CPQ: variants seen among roughly 807,000 people sequenced by gnomAD.
The protein encoded by CPQ is Ser-Met dipeptidase.
CPQ carries 37 observed loss-of-function variants against 45.7 expected under a neutral mutation model. That is an observed-to-expected ratio of 0.81 (90% CI 0.62 to 1.07). The LOEUF (loss-of-function observed/expected upper bound fraction) is 1.07. CPQ is among the 50% of genes least tolerant of loss of function. The pLI, the probability that CPQ is intolerant of heterozygous loss-of-function variation, is 0.00. For missense variants in CPQ, 537 were observed against 572.9 expected (o/e 0.94, Z 0.64); for synonymous variants, 186 against 205.8 (o/e 0.90, Z 0.82).
At chr8:96,705,455 A>C (rs966598918) in intron 1 of CPQ, among the ~76,000 whole-genome samples, 4 of 152,172 alleles carry the variant, frequency 2.6e-5, no homozygotes, top group Non-Finnish European at 5.9e-5. Flanking sequence ...TAAACATTTT[A>C]TTTTAAGCCT....
At chr8:96,707,469 T>A (rs1282782442) in intron 1 of CPQ, among the ~76,000 whole-genome samples, 1 of 152,056 alleles carries the variant, frequency 6.6e-6, no homozygotes, top group East Asian at 1.9e-4. Flanking sequence ...TTATGAGATT[T>A]TTTTTTTCCT....
chr8:96,952,223 C>G (rs1413978345), intron 4 of CPQ, among the ~76,000 whole-genome samples: 1 of 152,088 alleles, frequency 6.6e-6, no homozygotes, highest in Non-Finnish European at 1.5e-5. Flanking sequence ...TTTAGTGAAG[C>G]ATACAGAGGG....
In CPQ at chr8:97,143,423, C is replaced by A; in HGVS notation, c.*240C>A. 5.7e-6 allele frequency: 2 copies of A among 353,672 alleles called. No homozygotes were observed. The highest frequency in any genetic ancestry group is 4.9e-5 in the East Asian group (1 of 20,574). 21.9% of individuals were successfully genotyped at this position (353,672 alleles called of 1,614,324 possible). A position where few individuals can be genotyped will look rare whatever the true frequency, so the allele number is the denominator to read the frequency against. ...CATATGGTAGGGATTACAGTGGGGG[C>A]ATTTCTTTATATCACCTCTTAAAAA... is the stretch of plus-strand genomic sequence containing the variant. On this transcript the variant is annotated 3_prime_UTR_variant, in exon 8 of 8. Transcript: ENST00000220763.
intron 3 of CPQ, among the ~76,000 whole-genome samples, chr8:96,863,838 C>T (rs1411801837): frequency 1.3e-5 from 2 of 152,018 alleles, no homozygotes; most frequent in Non-Finnish European, 2.9e-5. Context: ...TGGAAAGTCA[C>T]TTAATGGCTT....
intron 1 of CPQ, among the ~76,000 whole-genome samples, chr8:96,709,209 G>A (rs1334447191): frequency 3.3e-5 from 5 of 151,956 alleles, no homozygotes; most frequent in African/African-American, 4.8e-5. Context: ...CCTGGACATT[G>A]TACCCAATAT....
intron 1 of CPQ, among the ~76,000 whole-genome samples, chr8:96,666,618 C>T (rs939093209): frequency 5.3e-5 from 8 of 152,176 alleles, no homozygotes; most frequent in East Asian, 1.9e-4. Context: ...AAAACTGTAT[C>T]GACTGGTCTA....
chr8:96,908,305 T>A (rs929987727), intron 4 of CPQ, among the ~76,000 whole-genome samples: 1 of 152,208 alleles, frequency 6.6e-6, no homozygotes, highest in Non-Finnish European at 1.5e-5. Context: ...CAGAAAGGTC[T>A]GATAATTAGC....
chr8:97,043,771 G>A (rs1313774439), intron 6 of CPQ, among the ~76,000 whole-genome samples: 1 of 152,144 alleles, frequency 6.6e-6, no homozygotes, highest in Non-Finnish European at 1.5e-5. Context: ...ATGAAATTCT[G>A]GTTTGAAAAT....
chr8:96,760,573 A>G (rs1810387700), intron 1 of CPQ, among the ~76,000 whole-genome samples: 1 of 152,174 alleles, frequency 6.6e-6, no homozygotes, highest in Non-Finnish European at 1.5e-5. Flanking sequence ...GAGGATTATA[A>G]GGAACAGAGA....
chr8:96,850,960 T>C (rs894920507), intron 3 of CPQ, among the ~76,000 whole-genome samples: 5 of 152,178 alleles, frequency 3.3e-5, no homozygotes, highest in African/African-American at 1.2e-4. Context: ...TGTGGATTCA[T>C]ATCCAAATAT....
chr8:96,689,694 A>G (rs1809279161), intron 1 of CPQ, among the ~76,000 whole-genome samples: 1 of 152,142 alleles, frequency 6.6e-6, no homozygotes, highest in Non-Finnish European at 1.5e-5. Flanking sequence ...TTATGTATTG[A>G]AACCTGTTCC....
Position 96,665,835 on chromosome 8 carries a change from G to C in CPQ, c.-35+20433G>C, listed in dbSNP as rs549706083. Among the ~76,000 whole-genome samples the C allele has an allele frequency of 1.4e-3, 206 of 152,196 alleles. 1 individual carries two copies. The highest frequency in any genetic ancestry group is 2.4e-3 in the Non-Finnish European group (162 of 68,008). On this transcript the variant is annotated intron_variant, in intron 1 of 7. Coordinates refer to ENST00000220763, the MANE Select transcript of CPQ (RefSeq NM_016134.4). The stretch of plus-strand genomic sequence containing the variant: ...TCCAGGTTCACATTCCAGCGATCCC[G>C]GTGGAAATAACTTTTATTTGCAACA...
chr8:96,944,942 C>T (rs962066774), intron 4 of CPQ, among the ~76,000 whole-genome samples: 2 of 152,168 alleles, frequency 1.3e-5, no homozygotes, highest in African/African-American at 4.8e-5. Flanking sequence ...TCACTTTTAG[C>T]AGTAGCTGAA....
chr8:96,994,898 G>T (rs1326247213), intron 5 of CPQ, among the ~76,000 whole-genome samples: 1 of 152,026 alleles, frequency 6.6e-6, no homozygotes, highest in Non-Finnish European at 1.5e-5. Flanking sequence ...TAATCATTGT[G>T]TGGGACATTG....
chr8:96,987,418 G>A (rs1809005502), intron 5 of CPQ, among the ~76,000 whole-genome samples: 2 of 152,098 alleles, frequency 1.3e-5, no homozygotes, highest in Admixed American at 6.6e-5. Context: ...AAATGATAAG[G>A]AAGTATAACT....
chr8:96,825,034 G>A (rs939436877), intron 2 of CPQ, among the ~76,000 whole-genome samples: 10 of 151,976 alleles, frequency 6.6e-5, no homozygotes, highest in African/African-American at 2.4e-4. Flanking sequence ...TTCTATTTGG[G>A]AACTACAGCC....
intron 2 of CPQ, among the ~76,000 whole-genome samples, chr8:96,791,253 T>C (rs1253098016): frequency 2.6e-5 from 4 of 152,216 alleles, no homozygotes; most frequent in African/African-American, 9.6e-5. Context: ...TTGCCTCACA[T>C]ACAAATATTT....
chr8:96,719,263 G>C (rs971118970), intron 1 of CPQ, among the ~76,000 whole-genome samples: 2 of 152,200 alleles, frequency 1.3e-5, no homozygotes, highest in Admixed American at 6.5e-5. Context: ...GTGAGAAATC[G>C]AGCGCAGCGC....
intron 7 of CPQ, among the ~76,000 whole-genome samples, chr8:97,109,850 T>A (rs1811470240): frequency 6.6e-6 from 1 of 152,146 alleles, no homozygotes; most frequent in Admixed American, 6.5e-5. Flanking sequence ...CCCAGCTCCC[T>A]ACCTTCTATC....
Sources: gnomAD v4.1 joint callset for allele counts (sites outside exome capture counted in the v4.1 genomes callset) on GRCh38, gnomAD v4.1.1 for gene constraint, MANE v1.5 for transcripts, NCBI Gene and HGNC (gene_info 2026-07-23, HGNC 2026-07-21) for gene names.